Variants in PKHD1 observed in about 807,000 individuals in gnomAD.
PKHD1 encodes the protein PKHD1 ciliary IPT domain containing fibrocystin/polyductin.
PKHD1 carries 291 observed loss-of-function variants against 412.0 expected under a neutral mutation model. That is an observed-to-expected ratio of 0.71 (90% CI 0.64 to 0.78). The LOEUF is 0.78. Among genes scored for constraint, PKHD1 ranks in the 30% least tolerant of loss-of-function variants. PKHD1 has a pLI of 0.00. For missense variants in PKHD1, 4,825 were observed against 4,950.7 expected, an observed-to-expected ratio of 0.97 and a Z score of 0.76; for synonymous variants, 1,777 against 1,821.5, an observed-to-expected ratio of 0.98 and a Z score of 0.62.
chr6:52,086,157 C>T (rs563565918), intron 1 of PKHD1, among the ~76,000 whole-genome samples: 9 of 150,158 alleles, frequency 6.0e-5, no homozygotes, highest in Non-Finnish European at 8.9e-5. Context: ...GTCATTTGGG[C>T]TGGAGTGCAG....
chr6:51,881,620 A>G (rs1777381919), intron 46 of PKHD1, among the ~76,000 whole-genome samples: 2 of 152,196 alleles, frequency 1.3e-5, no homozygotes, highest in Admixed American at 1.3e-4. Flanking sequence ...TCCATGTGCA[A>G]TTGAAGAATA....
chr6:52,064,920 CAG>C, intron 13 of PKHD1, 33 bp downstream of exon 13: 1 of 991,090 alleles, frequency 1.0e-6, no homozygotes, highest in Non-Finnish European at 1.5e-6. Context: ...TAAAGATATT[CAG>C]AGTTTATTGA....
chr6:51,721,297 C>T, intron 60 of PKHD1: 1 of 876,868 alleles, frequency 1.1e-6, no homozygotes, highest in Non-Finnish European at 1.4e-6. Context: ...TCTTTCTTTA[C>T]CAATATTATT....
chr6:51,975,963 T>TAAAAAAAAAAAAAAA (rs66774242), intron 35 of PKHD1: 9 of 69,778 alleles, frequency 1.3e-4, no homozygotes, highest in Non-Finnish European at 1.9e-4. Context: ...TTTCTCTAAT[T>TAAAAAAAAAAAAAAA]AAAAAAAAAA....
At chr6:51,692,407 C>T (rs1168225863) in intron 60 of PKHD1, among the ~76,000 whole-genome samples, 1 of 152,136 alleles carries the variant, frequency 6.6e-6, no homozygotes, top group Admixed American at 6.6e-5. Context: ...CTTTTCTGTT[C>T]AAAGTTTGAC....
chr6:52,047,803 C>T (rs748346048), intron 23 of PKHD1, among the ~76,000 whole-genome samples: 1 of 152,148 alleles, frequency 6.6e-6, no homozygotes, highest in Non-Finnish European at 1.5e-5. Flanking sequence ...GTTGGCTGAA[C>T]GGTGAACCCC....
chr6:51,666,981 T>G lies in PKHD1; in HGVS notation c.10157-7012A>C, dbSNP rs1283511031. Among the ~76,000 whole-genome samples, 3 of 150,314 alleles carry G rather than the reference T, an allele frequency of 2.0e-5. No homozygotes were observed. The East Asian group carries it at 5.9e-4, about 29-fold the overall frequency. ...TGGGTTGGTTCCAAGTCTTTGCTAT[T>G]GTGAATAATGCCGCAATAAACATAC... is the stretch of plus-strand genomic sequence containing the variant. On this transcript the variant is annotated intron_variant, in intron 60 of 66. Coordinates refer to ENST00000371117, the MANE Select transcript of PKHD1 (RefSeq NM_138694.4).
chr6:51,886,102 C>T, intron 44 of PKHD1, 130 bp from the exon 45 acceptor site: 1 of 717,018 alleles, frequency 1.4e-6, no homozygotes, highest in Admixed American at 2.0e-5. Flanking sequence ...TGTGACCCTC[C>T]CCCTAACTGT....
At chr6:51,635,874 GC>G (rs70977307) in intron 64 of PKHD1, among the ~76,000 whole-genome samples, 2,225 of 67,034 alleles carry the variant, frequency 0.033, 94 homozygotes, top group East Asian at 0.049. Context: ...GGGGCGGGGG[GC>G]CGGGGGCGGA....
chr6:52,054,285 G>T, intron 19 of PKHD1, 120 bp from the exon 20 acceptor site: 1 of 879,100 alleles, frequency 1.1e-6, no homozygotes, highest in Non-Finnish European at 1.8e-6. Flanking sequence ...AGTCAGCACA[G>T]TTCCTGCCCT....
At chr6:52,043,267 T>A in intron 26 of PKHD1, 133 bp from the exon 27 acceptor site, 2 of 707,962 alleles carry the variant, frequency 2.8e-6, no homozygotes, top group South Asian at 1.9e-5. Flanking sequence ...AGGAGCTGAA[T>A]GCTGAATTAA....
At chr6:51,857,179 T>C (rs1283976647) in intron 48 of PKHD1, among the ~76,000 whole-genome samples, 1 of 147,960 alleles carries the variant, frequency 6.8e-6, no homozygotes, top group African/African-American at 2.5e-5. Context: ...TAAAAGAGAG[T>C]GAAAGTGGAC....
chr6:51,945,051 T>A (rs1789250264), intron 36 of PKHD1, among the ~76,000 whole-genome samples: 1 of 152,232 alleles, frequency 6.6e-6, no homozygotes, highest in African/African-American at 2.4e-5. Flanking sequence ...TTTCCTTTCA[T>A]TGTCATTACA....
At chr6:51,797,814 G>A (rs947428868) in intron 52 of PKHD1, among the ~76,000 whole-genome samples, 1 of 152,096 alleles carries the variant, frequency 6.6e-6, no homozygotes, top group Non-Finnish European at 1.5e-5. Flanking sequence ...TTTAATGCTA[G>A]TATTGATATT....
intron 53 of PKHD1, 77 bp from the exon 54 acceptor site, chr6:51,775,998 T>C (rs1297949830): frequency 1.3e-6 from 1 of 757,388 alleles, no homozygotes; most frequent in Non-Finnish European, 2.4e-6. Flanking sequence ...CAGTATAATT[T>C]CAATAATGCA....
chr6:51,631,119 C>T (rs1278289029), intron 65 of PKHD1, among the ~76,000 whole-genome samples: 1 of 151,984 alleles, frequency 6.6e-6, no homozygotes, highest in African/African-American at 2.4e-5. Flanking sequence ...GGGAGAGACC[C>T]CTGCATGGCT....
intron 6 of PKHD1, 24 bp from the exon 7 acceptor site, chr6:52,073,565 AT>A: frequency 7.3e-7 from 1 of 1,361,386 alleles, no homozygotes; most frequent in Non-Finnish European, 1.1e-6. Context: ...AATTTTTTTA[AT>A]TTAATGGACT....
intron 27 of PKHD1, among the ~76,000 whole-genome samples, chr6:52,039,243 G>C (rs7775071): frequency 0.28 from 41,830 of 152,044 alleles, 5,946 homozygotes; most frequent in East Asian, 0.46. Flanking sequence ...AGGGTGTGGA[G>C]ATATTGTGAT....
chr6:51,932,523 T>G (rs1786791981), intron 37 of PKHD1, among the ~76,000 whole-genome samples: 1 of 152,278 alleles, frequency 6.6e-6, no homozygotes, highest in East Asian at 1.9e-4. Context: ...CAGATGCACT[T>G]TTTTACTGGT....
Sources: allele counts gnomAD v4.1 joint callset (sites outside exome capture counted in the v4.1 genomes callset), GRCh38; gene constraint gnomAD v4.1.1; transcripts MANE v1.5; gene names NCBI Gene and HGNC (gene_info 2026-07-23, HGNC 2026-07-21).